TMEM178B: variants seen among roughly 807,000 people sequenced by gnomAD.
TMEM178B encodes transmembrane protein 178B.
A neutral mutation model predicts 31.0 loss-of-function variants in TMEM178B; 5 were observed. The ratio of observed to expected loss-of-function variants is 0.16; its 90% CI spans 0.08 to 0.34. The LOEUF (loss-of-function observed/expected upper bound fraction) is 0.34, where lower values mean the gene tolerates loss of function less well. Ranked by LOEUF, TMEM178B falls within the 10% of genes least tolerant of loss-of-function variation. The pLI, the probability that TMEM178B is intolerant of heterozygous loss-of-function variation, is 1.00. For synonymous variants in TMEM178B, 164 were observed against 164.0 expected (o/e 1.00, Z 0.00); for missense variants, 275 against 400.3 (o/e 0.69, Z 2.67).
At chr7:141,140,192 C>G (rs1033241984) in intron 1 of TMEM178B, among the ~76,000 whole-genome samples, 6 of 152,202 alleles carry the variant, frequency 3.9e-5, no homozygotes, top group Non-Finnish European at 8.8e-5. Context: ...TCTGGACATT[C>G]TCTCCATTCC....
chr7:141,364,429 G>A (rs1028595005), intron 2 of TMEM178B, among the ~76,000 whole-genome samples: 5 of 152,124 alleles, frequency 3.3e-5, no homozygotes, highest in African/African-American at 9.7e-5. Flanking sequence ...GGGAGGCCAA[G>A]GTGGGCGGAT....
chr7:141,202,000 G>A (rs6957811), intron 1 of TMEM178B, among the ~76,000 whole-genome samples: 1 of 152,256 alleles, frequency 6.6e-6, no homozygotes, highest in East Asian at 1.9e-4. Flanking sequence ...GGATTTGAAT[G>A]CCACCTCTGC....
At chr7:141,124,650 C>T (rs1160226299) in intron 1 of TMEM178B, among the ~76,000 whole-genome samples, 1 of 152,184 alleles carries the variant, frequency 6.6e-6, no homozygotes, top group Non-Finnish European at 1.5e-5. Flanking sequence ...GTTTCCCCAG[C>T]ACCTAGCAGA....
intron 2 of TMEM178B, among the ~76,000 whole-genome samples, chr7:141,222,260 TA>T (rs1214669741): frequency 3.5e-4 from 54 of 152,330 alleles, no homozygotes; most frequent in African/African-American, 1.3e-3. Flanking sequence ...TTGTGTGTGT[TA>T]GCTAAGGGAA....
intron 2 of TMEM178B, among the ~76,000 whole-genome samples, chr7:141,372,917 G>A (rs1459782176): frequency 6.6e-6 from 1 of 152,200 alleles, no homozygotes; most frequent in African/African-American, 2.4e-5. Context: ...GAGGAATGGG[G>A]TGGGGTGATG....
At chr7:141,265,178 A>G (rs925218073) in intron 2 of TMEM178B, among the ~76,000 whole-genome samples, 4 of 152,234 alleles carry the variant, frequency 2.6e-5, no homozygotes, top group African/African-American at 7.2e-5. Context: ...GTAGAGATAA[A>G]CCTCTGGTTT....
chr7:141,295,371 C>CT (rs1317125381), intron 2 of TMEM178B, among the ~76,000 whole-genome samples: 2 of 152,196 alleles, frequency 1.3e-5, no homozygotes, highest in Non-Finnish European at 2.9e-5. Context: ...GAGGAGGCTA[C>CT]TGCACATCCA....
chr7:141,135,870 A>C (rs991172454), intron 1 of TMEM178B, among the ~76,000 whole-genome samples: 1 of 152,210 alleles, frequency 6.6e-6, no homozygotes, highest in Admixed American at 6.5e-5. Context: ...GGAAATAAAT[A>C]CCTAAGTGAA....
At chr7:141,396,270 C>T (rs1236971744) in intron 2 of TMEM178B, among the ~76,000 whole-genome samples, 2 of 152,188 alleles carry the variant, frequency 1.3e-5, no homozygotes, top group African/African-American at 2.4e-5. Flanking sequence ...CAGGAGTTTG[C>T]TGCCCAAAAT....
At chr7:141,126,889 G>GTGTATGTGTA (rs1795506473) in intron 1 of TMEM178B, among the ~76,000 whole-genome samples, 4 of 149,800 alleles carry the variant, frequency 2.7e-5, no homozygotes, top group Non-Finnish European at 5.9e-5. Flanking sequence ...GTGTGTGTGT[G>GTGTATGTGTA]TGTATGTGTG....
intron 2 of TMEM178B, among the ~76,000 whole-genome samples, chr7:141,304,020 T>A (rs962432544): frequency 6.6e-6 from 1 of 152,212 alleles, no homozygotes; most frequent in African/African-American, 2.4e-5. Context: ...TTTCAATCAA[T>A]CAGGTTTTTG....
the TMEM178B span, among the ~76,000 whole-genome samples, chr7:141,487,626 A>T: frequency 6.6e-6 from 1 of 151,402 alleles, no homozygotes; most frequent in African/African-American, 2.4e-5. Flanking sequence ...CTGCAGTCCC[A>T]GCTACTCAGG....
At chr7:141,509,552 A>T in the TMEM178B span, among the ~76,000 whole-genome samples, 1 of 152,202 alleles carries the variant, frequency 6.6e-6, no homozygotes. Flanking sequence ...CAGGAGGCTG[A>T]GGTAGCAGAA....
At chr7:141,341,917 CTAGTAGGA>C (rs1799522580) in intron 2 of TMEM178B, among the ~76,000 whole-genome samples, 1 of 152,146 alleles carries the variant, frequency 6.6e-6, no homozygotes, top group Admixed American at 6.5e-5. Context: ...CCAATGTCTT[CTAGTAGGA>C]ATGTACAAAT....
intron 2 of TMEM178B, among the ~76,000 whole-genome samples, chr7:141,350,497 A>G (rs2116528378): frequency 6.6e-6 from 1 of 152,192 alleles, no homozygotes; most frequent in East Asian, 1.9e-4. Context: ...GAAAACATGA[A>G]TAAATAAATG....
intron 2 of TMEM178B, among the ~76,000 whole-genome samples, chr7:141,419,545 C>T (rs1046482332): frequency 6.6e-6 from 1 of 152,220 alleles, no homozygotes; most frequent in South Asian, 2.1e-4. Flanking sequence ...CCAGTCAGAA[C>T]TCTACTCTGC....
chr7:141,432,598 C>G (rs1329002691), intron 2 of TMEM178B, among the ~76,000 whole-genome samples: 1 of 152,122 alleles, frequency 6.6e-6, no homozygotes, highest in Non-Finnish European at 1.5e-5. Context: ...TATTTTATTT[C>G]AGGTATTCTT....
intron 1 of TMEM178B, among the ~76,000 whole-genome samples, chr7:141,095,850 C>G (rs1307229384): frequency 6.6e-6 from 1 of 152,196 alleles, no homozygotes; most frequent in African/African-American, 2.4e-5. Context: ...AACCACTGCA[C>G]TCCAGGATGC....
At chr7:141,400,071 A>G (rs1251526499) in intron 2 of TMEM178B, among the ~76,000 whole-genome samples, 1 of 152,190 alleles carries the variant, frequency 6.6e-6, no homozygotes, top group African/African-American at 2.4e-5. Flanking sequence ...CCAGGAGCCC[A>G]TGGGTACAGA....
Sources: allele counts gnomAD v4.1 joint callset (sites outside exome capture counted in the v4.1 genomes callset), GRCh38; gene constraint gnomAD v4.1.1; transcripts MANE v1.5; gene names NCBI Gene and HGNC (gene_info 2026-07-23, HGNC 2026-07-21).